The following IGFN1 variants were observed in gnomAD, a reference collection of about 807,000 sequenced individuals.
The protein encoded by IGFN1 is immunoglobulin like and fibronectin type III domain containing 1, also known as immunoglobulin-like and fibronectin type III domain-containing protein 1.
Under a neutral mutation model 289.5 loss-of-function variants are expected in IGFN1, and 253 were observed. That is an observed-to-expected ratio of 0.87 (90% confidence interval 0.79 to 0.97). IGFN1 has a LOEUF of 0.97. Among genes scored for constraint, IGFN1 ranks in the 50% least tolerant of loss-of-function variants. IGFN1 has a pLI of 0.00. For missense variants in IGFN1, 4,470 were observed against 4,686.1 expected, an observed-to-expected ratio of 0.95 and a Z score of 1.35; for synonymous variants, 1,706 against 1,788.5, an observed-to-expected ratio of 0.95 and a Z score of 1.16.
At chr1:201,197,378 G>T in intron 5 of IGFN1, 61 bp downstream of exon 5, 1 of 1,009,250 alleles carries the variant, frequency 9.9e-7, no homozygotes, top group Non-Finnish European at 1.5e-6. Context: ...AGAGGAATCA[G>T]ATGCCCCGTG....
Position 201,228,517 on chromosome 1 carries a change from G to A in IGFN1, c.*118G>A. 9.0e-7 allele frequency: 1 copy of A among 1,114,936 alleles called. No homozygotes were observed. Among genetic ancestry groups the A allele is most frequent in the Non-Finnish European group, 1.4e-6 (1 of 727,852 alleles). 69.1% of individuals were successfully genotyped at this position (1,114,936 alleles called of 1,614,324 possible). A position where few individuals can be genotyped will look rare whatever the true frequency, so the allele number is the denominator to read the frequency against. ...TGCCCAGAGCCCCAGGAAAATGGGA[G>A]TGAGAAGATGCCTGGCGAGGTTTTG... On this transcript the variant is annotated 3_prime_UTR_variant, in exon 24 of 24. Coordinates refer to ENST00000335211, the MANE Select transcript of IGFN1 (RefSeq NM_001164586.2).
chr1:201,218,762 C>T (rs16848094), intron 18 of IGFN1, 104 bp downstream of exon 18: 16,715 of 1,173,366 alleles, frequency 0.014, 363 homozygotes, highest in African/African-American at 0.076. Context: ...TCGGGGCAGT[C>T]CTGAGGGAGA....
In IGFN1 at chr1:201,212,193, G is replaced by A; in HGVS notation, c.7300G>A (p.Gly2434Ser). 1 of 1,535,414 alleles carries A rather than the reference G, an allele frequency of 6.5e-7. No individual in the cohort carries two copies. The highest frequency in any genetic ancestry group is 8.7e-7 in the Non-Finnish European group (1 of 1,146,208). ...GATGGCTGGAATGCCAGGCACTGCA[G>A]GTGGCATGGCACACAGAGACAGCCT... ...PGMAGMPGTA[G>S]GMAHRDSLRG... The change falls in exon 12 of 24, where the codon GGT (glycine) becomes AGT (serine). Residue 2434 changes from glycine (G) to serine (S), a missense_variant. Coordinates refer to ENST00000335211, the MANE Select transcript of IGFN1 (RefSeq NM_001164586.2).
intron 9 of IGFN1, among the ~76,000 whole-genome samples, chr1:201,202,275 C>T (rs928142997): frequency 2.6e-5 from 4 of 152,176 alleles, no homozygotes; most frequent in Admixed American, 2.6e-4. Context: ...CCAAACTCAT[C>T]CAGCTTCATC....
chr1:201,217,693 C>A (rs35482042), intron 17 of IGFN1, among the ~76,000 whole-genome samples: 45,428 of 151,930 alleles, frequency 0.3, 6,932 homozygotes, highest in South Asian at 0.39. Context: ...ACAGAGCCCA[C>A]CTCCTCCTCT....
chr1:201,228,207 G>C (rs1231176929), intron 23 of IGFN1, among the ~76,000 whole-genome samples, 179 bp from the exon 24 acceptor site: 1 of 152,162 alleles, frequency 6.6e-6, no homozygotes, highest in Non-Finnish European at 1.5e-5. Context: ...TTCCCCGAGG[G>C]GCCAGCAAAG....
At chr1:201,226,285 C>T (rs564690967) in intron 22 of IGFN1, among the ~76,000 whole-genome samples, 162 bp downstream of exon 22, 5 of 151,734 alleles carry the variant, frequency 3.3e-5, no homozygotes, top group South Asian at 4.2e-4. Context: ...CTGCTCCTCC[C>T]GCTCCTGCCT....
chr1:201,216,354 TG>T (rs1284881547), intron 15 of IGFN1, 99 bp from the exon 16 acceptor site: 21 of 659,456 alleles, frequency 3.2e-5, no homozygotes, highest in African/African-American at 5.7e-5. Context: ...TGGATGGGGG[TG>T]GGGGGGAGTC....
chr1:201,228,461 C>T lies in IGFN1; in HGVS notation c.*62C>T. ...GCTTCACTTCCGACACCTGCACTGGCCCGGGAAGCCAATCCCAAGGATGGA... is the reference window on the plus strand; with the variant it reads ...GCTTCACTTCCGACACCTGCACTGGTCCGGGAAGCCAATCCCAAGGATGGA... On this transcript the variant is annotated 3_prime_UTR_variant, in exon 24 of 24. Transcript: ENST00000335211. The T allele has an allele frequency of 2.6e-6, 4 of 1,546,392 alleles. No individual in the cohort carries two copies. Among genetic ancestry groups the T allele is most frequent in the Non-Finnish European group, 1.8e-6 (2 of 1,118,160 alleles).
chr1:201,196,038 G>C, intron 4 of IGFN1, 60 bp downstream of exon 4: 1 of 1,510,674 alleles, frequency 6.6e-7, no homozygotes, highest in East Asian at 2.5e-5. Context: ...TCCCCTTGAA[G>C]GTCTCTTTGG....
chr1:201,197,439 C>A, intron 5 of IGFN1, 122 bp downstream of exon 5: 4 of 669,948 alleles, frequency 6.0e-6, no homozygotes, highest in Non-Finnish European at 8.0e-6. Context: ...AGGCTGCTGC[C>A]GCTGCTGCAG....
Position 201,210,738 on chromosome 1 carries a change from G to T in IGFN1, c.5845G>T (p.Gly1949Trp). ...GSKEGFRDGL[G>W]GSEEMGSVNK... ...TAAGGAAGGTTTCAGGGATGGTTTA[G>T]GGGGTTCTGAAGAAATGGGGTCAGT... Residue 1949 changes from glycine (G) to tryptophan (W), a missense_variant, in exon 12 of 24, where the codon GGG becomes TGG. Physicochemically the swap from Gly to Trp is radical, Grantham distance 184. Transcript: ENST00000335211. 1.3e-6 allele frequency: 2 copies of T among 1,531,460 alleles called. No homozygotes were observed. Among genetic ancestry groups the T allele is most frequent in the Non-Finnish European group, 1.7e-6 (2 of 1,144,844 alleles). 94.9% of individuals were successfully genotyped at this position (1,531,460 alleles called of 1,614,324 possible).
At chr1:201,201,173 A>G (rs545193122) in intron 8 of IGFN1, among the ~76,000 whole-genome samples, 1 of 152,306 alleles carries the variant, frequency 6.6e-6, no homozygotes, top group African/African-American at 2.4e-5. Context: ...GGAATTTCAC[A>G]GTTCCCATTA....
In IGFN1 at chr1:201,212,580, A is replaced by C; in HGVS notation, c.7687A>C (p.Arg2563=). 3.9e-6 allele frequency: 6 copies of C among 1,549,662 alleles called. No individual in the cohort carries two copies. The highest frequency in any genetic ancestry group is 5.2e-6 in the Non-Finnish European group (6 of 1,146,404). The stretch of plus-strand genomic sequence containing the variant: ...GAAAGCAGGCCCAGGAATGACAGAC[A>C]GGGGTAGAGTTGCTGGCCAGGGGGG... The part of the protein sequence containing the change: ...IWKAGPGMTD[R]GRVAGQGGLA... The change falls in exon 12 of 24, where the codon AGG becomes CGG. Residue 2563 remains arginine, a synonymous_variant. Coordinates refer to ENST00000335211, the MANE Select transcript of IGFN1 (RefSeq NM_001164586.2).
rs1235697293 is a variant in IGFN1, at chr1:201,206,187, G to A, written c.1294G>A (p.Gly432Arg). 1.3e-6 allele frequency: 2 copies of A among 1,550,182 alleles called. No individual in the cohort carries two copies. Among genetic ancestry groups the A allele is most frequent in the African/African-American group, 1.4e-5 (1 of 73,016 alleles). The change falls in exon 12 of 24, where the codon GGA becomes AGA. Residue 432 changes from glycine (G) to arginine (R), a missense_variant. Gly to Arg is a moderately radical substitution (Grantham distance 125, BLOSUM62 -2). Transcript: ENST00000335211. Reference sequence around the variant, plus strand: ...AGAGTCTGGGAGCATCGAGAGCCAGGGAGAGAAATCCAGAGAGCAGGGCCC... The same window carrying A: ...AGAGTCTGGGAGCATCGAGAGCCAGAGAGAGAAATCCAGAGAGCAGGGCCC... ...AEESGSIESQ[G>R]EKSREQGPRG...
chr1:201,204,315 C>G (rs145126784), intron 10 of IGFN1, among the ~76,000 whole-genome samples: 1 of 152,224 alleles, frequency 6.6e-6, no homozygotes, highest in African/African-American at 2.4e-5. Context: ...TCCATACAGA[C>G]CTTTCCTTTT....
intron 9 of IGFN1, among the ~76,000 whole-genome samples, chr1:201,203,086 A>G (rs1284065873): frequency 6.6e-6 from 1 of 152,094 alleles, no homozygotes; most frequent in African/African-American, 2.4e-5. Flanking sequence ...TAAATTATTT[A>G]CTTATTTATG....
Position 201,199,697 on chromosome 1 carries a change from A to T in IGFN1, c.458+43A>T, listed in dbSNP as rs973397421. 9 of 1,510,910 alleles carry T rather than the reference A, an allele frequency of 6.0e-6. No homozygotes were observed. In the African/African-American group the frequency reaches 9.7e-5, roughly 16 times the overall value. The allele number at this position is 1,510,910 out of a possible 1,614,324, so 93.6% of individuals were successfully genotyped here. A position where few individuals can be genotyped will look rare whatever the true frequency, so the allele number is the denominator to read the frequency against. On this transcript the variant is annotated intron_variant, in intron 7 of 23. Transcript: ENST00000335211. ...CATGAGGGATTTTGGAGGCTCCCATAGTATTCACCCCCTGCTATTTCCATA... is the reference window on the plus strand; with the variant it reads ...CATGAGGGATTTTGGAGGCTCCCATTGTATTCACCCCCTGCTATTTCCATA...
At chr1:201,191,941 C>A (rs1666676371) in intron 1 of IGFN1, among the ~76,000 whole-genome samples, 1 of 143,082 alleles carries the variant, frequency 7.0e-6, no homozygotes, top group African/African-American at 2.5e-5. Context: ...GGGTCACCGA[C>A]TGGCACCAGT....
Sources: allele counts gnomAD v4.1 joint callset (sites outside exome capture counted in the v4.1 genomes callset), GRCh38; gene constraint gnomAD v4.1.1; transcripts MANE v1.5; gene names NCBI Gene and HGNC (gene_info 2026-07-23, HGNC 2026-07-21).